Variants in SLC1A3 observed in about 807,000 individuals in gnomAD.
SLC1A3 encodes excitatory amino acid transporter 1.
Under a neutral mutation model 48.1 loss-of-function variants are expected in SLC1A3, and 21 were observed. That is an observed-to-expected ratio of 0.44 (90% CI 0.31 to 0.63). The LOEUF is 0.63. Among genes scored for constraint, SLC1A3 ranks in the 20% least tolerant of loss-of-function variants. The pLI, the probability that SLC1A3 is intolerant of heterozygous loss-of-function variation, is 0.08. For missense variants in SLC1A3, 546 were observed against 689.0 expected, an observed-to-expected ratio of 0.79 and a Z score of 2.32; for synonymous variants, 239 against 251.4, an observed-to-expected ratio of 0.95 and a Z score of 0.47.
In SLC1A3 at chr5:36,608,568, G is replaced by A; in HGVS notation, c.145G>A (p.Ala49Thr). The change falls in exon 2 of 10, where the codon GCT becomes ACT. Residue 49 changes from alanine (A) to threonine (T), a missense_variant. Coordinates refer to ENST00000265113, the MANE Select transcript of SLC1A3 (RefSeq NM_004172.5). Reference protein sequence around the residue: ...EDVKSYLFRNAFVLLTVTAVI... With the variant: ...EDVKSYLFRNTFVLLTVTAVI... ...TGTTAAAAGTTACCTGTTTCGGAAT[G>A]CTTTTGTGCTGCTCACAGTCACCGC... 1.2e-6 allele frequency: 2 copies of A among 1,614,010 alleles called. No homozygotes were observed. Among genetic ancestry groups the A allele is most frequent in the African/African-American group, 1.3e-5 (1 of 75,018 alleles).
chr5:36,653,042 C>A (rs931645034), intron 3 of SLC1A3, among the ~76,000 whole-genome samples: 1 of 152,178 alleles, frequency 6.6e-6, no homozygotes, highest in African/African-American at 2.4e-5. Context: ...GTTTTATGAC[C>A]TCTTAGAAGC....
chr5:36,664,482 C>G (rs998566996), intron 3 of SLC1A3, among the ~76,000 whole-genome samples: 1 of 150,512 alleles, frequency 6.6e-6, no homozygotes, highest in South Asian at 2.1e-4. Flanking sequence ...GGGGTTTATG[C>G]CAGTGTTTAC....
chr5:36,664,233 G>C (rs544013501), intron 3 of SLC1A3, among the ~76,000 whole-genome samples: 8 of 152,072 alleles, frequency 5.3e-5, no homozygotes. Flanking sequence ...TCCCAGGTTC[G>C]AGGGATTCTC....
intron 3 of SLC1A3, among the ~76,000 whole-genome samples, chr5:36,640,847 C>G (rs966033886): frequency 6.6e-6 from 1 of 152,090 alleles, no homozygotes; most frequent in East Asian, 1.9e-4. Context: ...CACTGCCACC[C>G]CCACCTACAC....
At chr5:36,654,182 A>C (rs1741198348) in intron 3 of SLC1A3, among the ~76,000 whole-genome samples, 1 of 152,174 alleles carries the variant, frequency 6.6e-6, no homozygotes, top group Admixed American at 6.5e-5. Flanking sequence ...CAGAAGACTC[A>C]AAATCCACAT....
chr5:36,632,184 C>T (rs906081200), intron 3 of SLC1A3, among the ~76,000 whole-genome samples: 2 of 152,218 alleles, frequency 1.3e-5, no homozygotes, highest in Admixed American at 1.3e-4. Context: ...GGCAAAGAGA[C>T]TATTGAGACA....
intron 3 of SLC1A3, among the ~76,000 whole-genome samples, chr5:36,633,474 C>A (rs946193361): frequency 1.3e-5 from 2 of 152,174 alleles, no homozygotes; most frequent in East Asian, 3.8e-4. Flanking sequence ...GATGAAATTT[C>A]TCATTTAACA....
intron 2 of SLC1A3, among the ~76,000 whole-genome samples, chr5:36,626,214 T>C (rs1739898073): frequency 6.6e-6 from 1 of 152,170 alleles, no homozygotes; most frequent in African/African-American, 2.4e-5. Flanking sequence ...GTAGAGTTAG[T>C]GTAGGCTCAG....
chr5:36,616,143 T>C (rs888390954), intron 2 of SLC1A3, among the ~76,000 whole-genome samples: 6 of 152,018 alleles, frequency 3.9e-5, no homozygotes, highest in Admixed American at 2.6e-4. Flanking sequence ...TGCAGTGAAC[T>C]GAGATCGTGC....
At chr5:36,666,375 T>C (rs1741749064) in intron 3 of SLC1A3, 1 of 152,182 alleles carries the variant, frequency 6.6e-6, no homozygotes, top group Non-Finnish European at 1.5e-5. Context: ...AGAAACTCAT[T>C]GTGGAGAAGG....
chr5:36,644,178 A>G (rs1025629396), intron 3 of SLC1A3, among the ~76,000 whole-genome samples: 1 of 147,798 alleles, frequency 6.8e-6, no homozygotes, highest in East Asian at 2.2e-4. Flanking sequence ...AAAACCAAAA[A>G]GGAAATACAG....
intron 3 of SLC1A3, chr5:36,636,413 A>C (rs1357735405): frequency 1.1e-4 from 16 of 150,162 alleles, no homozygotes; most frequent in Admixed American, 1.1e-3. Context: ...CTGGGAAATA[A>C]CTCTATTAGC....
At chr5:36,663,837 C>CCGCT (rs1224481141) in intron 3 of SLC1A3, among the ~76,000 whole-genome samples, 3 of 152,216 alleles carry the variant, frequency 2.0e-5, no homozygotes, top group Non-Finnish European at 4.4e-5. Flanking sequence ...AAATCGTTCT[C>CCGCT]CGCTCTTCAT....
intron 4 of SLC1A3, among the ~76,000 whole-genome samples, chr5:36,672,143 G>A (rs184362677): frequency 4.6e-5 from 7 of 152,296 alleles, no homozygotes; most frequent in Admixed American, 3.9e-4. Context: ...CTATAGCCTT[G>A]GGAGGGAAGG....
intron 9 of SLC1A3, among the ~76,000 whole-genome samples, chr5:36,685,404 G>A (rs1246637392): frequency 6.6e-6 from 1 of 152,160 alleles, no homozygotes; most frequent in Admixed American, 6.5e-5. Context: ...AGCCTCCTGA[G>A]TAGCTGGGAT....
chr5:36,624,341 G>C (rs1180119695), intron 2 of SLC1A3, among the ~76,000 whole-genome samples: 1 of 152,186 alleles, frequency 6.6e-6, no homozygotes, highest in African/African-American at 2.4e-5. Flanking sequence ...CTGTTGAGAG[G>C]CTGCGAGGAC....
intron 4 of SLC1A3, among the ~76,000 whole-genome samples, chr5:36,671,560 G>A (rs1741997547): frequency 6.6e-6 from 1 of 152,168 alleles, no homozygotes; most frequent in Admixed American, 6.6e-5. Flanking sequence ...CTTAACTGCT[G>A]TTCTTTAAGG....
At chr5:36,597,160 G>A (rs1738751651) in intron 1 of SLC1A3, among the ~76,000 whole-genome samples, 1 of 147,248 alleles carries the variant, frequency 6.8e-6, no homozygotes, top group South Asian at 2.2e-4. Context: ...AAAAAGACTA[G>A]CATTCTCCAA....
intron 3 of SLC1A3, among the ~76,000 whole-genome samples, chr5:36,665,382 G>A (rs1561274773): frequency 6.6e-6 from 1 of 152,196 alleles, no homozygotes; most frequent in Non-Finnish European, 1.5e-5. Context: ...CCGCTCTCTT[G>A]GCACTAAAAT....
Sources: allele counts gnomAD v4.1 joint callset (sites outside exome capture counted in the v4.1 genomes callset), GRCh38; gene constraint gnomAD v4.1.1; transcripts MANE v1.5; gene names NCBI Gene and HGNC (gene_info 2026-07-23, HGNC 2026-07-21).